The following PTPRD variants were observed in gnomAD, a reference collection of about 807,000 sequenced individuals.
The protein encoded by PTPRD is receptor-type tyrosine-protein phosphatase delta.
PTPRD carries 34 observed loss-of-function variants against 214.5 expected under a neutral mutation model. The observed-to-expected ratio is 0.16, with a 90% CI of 0.12 to 0.21. The LOEUF (loss-of-function observed/expected upper bound fraction) is 0.21. Ranked by LOEUF, PTPRD falls within the 10% of genes least tolerant of loss-of-function variation. PTPRD has a pLI of 1.00. For synonymous variants in PTPRD, 1,128 were observed against 845.7 expected, an observed-to-expected ratio of 1.33 and a Z score of -5.79; for missense variants, 2,545 against 2,398.7, an observed-to-expected ratio of 1.06 and a Z score of -1.27.
rs1158093712 is a variant in PTPRD at position 9,495,968 on chromosome 9, C to T, written c.-237+78764G>A. Among the ~76,000 whole-genome samples, 6 of 152,292 alleles carry T rather than the reference C, an allele frequency of 3.9e-5. No homozygotes were observed. The East Asian group carries it at 1.2e-3, about 30-fold the overall frequency. On this transcript the variant is annotated intron_variant, in intron 8 of 45. Transcript: ENST00000381196. Reference sequence around the variant, plus strand: ...CCCAACTTGGGTGCCACCTCAGGCCCCGCATGAAGCTTGCTCCTGTGTCAG... The same window carrying T: ...CCCAACTTGGGTGCCACCTCAGGCCTCGCATGAAGCTTGCTCCTGTGTCAG...
chr9:9,535,871 T>G (rs1204978610), intron 8 of PTPRD, among the ~76,000 whole-genome samples: 1 of 152,058 alleles, frequency 6.6e-6, no homozygotes, highest in African/African-American at 2.4e-5. Flanking sequence ...AGGTACAGGT[T>G]AGGAGAAATG....
intron 11 of PTPRD, among the ~76,000 whole-genome samples, chr9:8,928,149 G>A (rs2098917070): frequency 1.3e-5 from 2 of 152,098 alleles, no homozygotes; most frequent in Non-Finnish European, 2.9e-5. Context: ...CCATTCTGTA[G>A]GTTGACTGTT....
In PTPRD at chr9:8,929,780, G is replaced by GTATATATATGTGTATATATAT. The variant is rs1272978143; in HGVS notation, c.-104+88916_-104+88917insATATATATACACATATATATA. On this transcript the variant is annotated intron_variant, in intron 11 of 45. Coordinates refer to ENST00000381196, the MANE Select transcript of PTPRD (RefSeq NM_002839.4). ...ATGTATATATATGTGTATATATATG[G>GTATATATATGTGTATATATAT]GTGTGTATATATGTGTGTGTATATA... Among the ~76,000 whole-genome samples the GTATATATATGTGTATATATAT allele has an allele frequency of 1.7e-3, 137 of 82,420 alleles. 12 individuals carry two copies. The highest frequency in any genetic ancestry group is 0.01 in the East Asian group (25 of 2,390). 54.1% of individuals were successfully genotyped at this position (82,420 alleles called of 152,430 possible). A position where few individuals can be genotyped will look rare whatever the true frequency, so the allele number is the denominator to read the frequency against.
At chr9:9,671,893 C>G (rs1460878325) in intron 7 of PTPRD, among the ~76,000 whole-genome samples, 1 of 152,174 alleles carries the variant, frequency 6.6e-6, no homozygotes, top group African/African-American at 2.4e-5. Context: ...GGAAGACTTA[C>G]ATTTGCCACA....
At chr9:9,202,542 C>A (rs1041807013) in intron 9 of PTPRD, among the ~76,000 whole-genome samples, 2 of 152,138 alleles carry the variant, frequency 1.3e-5, no homozygotes, top group Non-Finnish European at 2.9e-5. Context: ...ACATCAGATG[C>A]AAGCTTGATC....
At chr9:9,072,306 C>CA (rs2099744956) in intron 10 of PTPRD, among the ~76,000 whole-genome samples, 1 of 151,674 alleles carries the variant, frequency 6.6e-6, no homozygotes, top group Non-Finnish European at 1.5e-5. Flanking sequence ...CACACACACA[C>CA]ACACACACAC....
chr9:8,684,304 TCTC>T (rs977364241), intron 12 of PTPRD, among the ~76,000 whole-genome samples: 9 of 152,262 alleles, frequency 5.9e-5, no homozygotes, highest in African/African-American at 2.2e-4. Context: ...TATCATCACT[TCTC>T]CTCACAATGA....
chr9:9,251,177 G>C (rs928898609), intron 9 of PTPRD, among the ~76,000 whole-genome samples: 2 of 152,052 alleles, frequency 1.3e-5, no homozygotes, highest in Admixed American at 1.3e-4. Context: ...GGCATTGCCA[G>C]CAATAGATCC....
At position 9,187,273 on chromosome 9, in the gene PTPRD, A is replaced by C. The variant is rs527845434; in HGVS notation, c.-202-3910T>G. On this transcript the variant is annotated intron_variant, in intron 9 of 45. Coordinates refer to ENST00000381196, the MANE Select transcript of PTPRD (RefSeq NM_002839.4). ...TACATATTAAAGAGATTTCATTAGG[A>C]AGCTTTCATTCTCTTTCATTTAGAA... Among the ~76,000 whole-genome samples the C allele has an allele frequency of 3.3e-5, 5 of 152,172 alleles. No individual in the cohort carries two copies. In the South Asian group the frequency reaches 8.3e-4, roughly 25 times the overall value.
intron 11 of PTPRD, among the ~76,000 whole-genome samples, chr9:8,892,086 A>C (rs540409257): frequency 3.3e-5 from 5 of 152,204 alleles, no homozygotes; most frequent in African/African-American, 1.2e-4. Context: ...ATGAAAGGAA[A>C]GAAACAGAAT....
chr9:8,664,588 T>C lies in PTPRD; in HGVS notation c.65-27744A>G, dbSNP rs113231125. On this transcript the variant is annotated intron_variant, in intron 12 of 45. Coordinates refer to ENST00000381196, the MANE Select transcript of PTPRD (RefSeq NM_002839.4). ...GTTACACCTGCCAGTCAATCTATACTTTCCTAGTGAGCAGAGACCACCAGC... is the reference window on the plus strand; with the variant it reads ...GTTACACCTGCCAGTCAATCTATACCTTCCTAGTGAGCAGAGACCACCAGC... 3.1e-3 allele frequency among the ~76,000 whole-genome samples: 472 copies of C among 152,290 alleles called. 9 individuals are homozygous for C. The highest frequency in any genetic ancestry group is 0.011 in the African/African-American group (453 of 41,568).
chr9:9,610,244 TACA>T (rs2094446395), intron 7 of PTPRD, among the ~76,000 whole-genome samples: 1 of 152,154 alleles, frequency 6.6e-6, no homozygotes, highest in Non-Finnish European at 1.5e-5. Context: ...CTTGAACAAC[TACA>T]ACATTATGCA....
intron 12 of PTPRD, chr9:8,713,662 C>A: frequency 2.0e-6 from 3 of 1,506,634 alleles, no homozygotes; most frequent in Admixed American, 1.7e-5. Flanking sequence ...CGCCCGGCAC[C>A]GCGCCCGGGC....
intron 5 of PTPRD, among the ~76,000 whole-genome samples, chr9:9,832,475 T>A (rs1290594301): frequency 2.6e-5 from 4 of 152,036 alleles, no homozygotes; most frequent in African/African-American, 9.7e-5. Context: ...AACAGAACTC[T>A]AATTATTTTC....
intron 14 of PTPRD, among the ~76,000 whole-genome samples, chr9:8,545,231 G>A (rs189164676): frequency 9.5e-4 from 145 of 152,020 alleles, no homozygotes; most frequent in Admixed American, 2.7e-3. Flanking sequence ...GATATTATTC[G>A]TTTTCATACT....
intron 7 of PTPRD, among the ~76,000 whole-genome samples, chr9:9,722,800 C>G (rs1411346525): frequency 6.6e-6 from 1 of 151,982 alleles, no homozygotes; most frequent in South Asian, 2.1e-4. Flanking sequence ...ATTTGCCTTT[C>G]TTTGTTAACT....
chr9:8,666,482 T>C (rs2154359415), intron 12 of PTPRD, among the ~76,000 whole-genome samples: 1 of 152,350 alleles, frequency 6.6e-6, no homozygotes, highest in South Asian at 2.1e-4. Context: ...TTCGTATGGC[T>C]TCATATCAGA....
intron 5 of PTPRD, among the ~76,000 whole-genome samples, chr9:9,904,748 A>T (rs114506144): frequency 0.013 from 1,955 of 152,210 alleles, 58 homozygotes; most frequent in African/African-American, 0.045. Context: ...TTAATTTGAG[A>T]AAATGTAATG....
At chr9:9,943,498 C>T (rs2091996158) in intron 4 of PTPRD, among the ~76,000 whole-genome samples, 1 of 152,054 alleles carries the variant, frequency 6.6e-6, no homozygotes, top group African/African-American at 2.4e-5. Flanking sequence ...TTGAACAAAT[C>T]AACAAAAATT....
Sources: allele counts gnomAD v4.1 joint callset (sites outside exome capture counted in the v4.1 genomes callset), GRCh38; gene constraint gnomAD v4.1.1; transcripts MANE v1.5; gene names NCBI Gene and HGNC (gene_info 2026-07-23, HGNC 2026-07-21).